The following DLGAP1 variants were observed in gnomAD, a reference collection of about 807,000 sequenced individuals.
DLGAP1 encodes DLG associated protein 1.
A neutral mutation model predicts 90.8 loss-of-function variants in DLGAP1; 11 were observed. That is an observed-to-expected ratio of 0.12 (90% confidence interval 0.08 to 0.20). The LOEUF is 0.20. Among genes scored for constraint, DLGAP1 ranks in the 10% least tolerant of loss-of-function variants. DLGAP1 has a pLI of 1.00. For missense variants in DLGAP1, 1,050 were observed against 1,333.8 expected, an observed-to-expected ratio of 0.79 and a Z score of 3.31; for synonymous variants, 558 against 540.7, an observed-to-expected ratio of 1.03 and a Z score of -0.44.
chr18:4,315,804 AT>A (rs5822807), intron 1 of DLGAP1, among the ~76,000 whole-genome samples: 60,136 of 151,978 alleles, frequency 0.4, 12,194 homozygotes, highest in African/African-American at 0.47. Flanking sequence ...CATCATAGTA[AT>A]TTTTTTGACT....
intron 1 of DLGAP1, among the ~76,000 whole-genome samples, chr18:4,410,807 G>C (rs1306890523): frequency 6.6e-6 from 1 of 152,062 alleles, no homozygotes; most frequent in Admixed American, 6.6e-5. Context: ...CGACAACATC[G>C]ATGGATCTCA....
At chr18:4,384,272 G>T (rs1364463293) in intron 1 of DLGAP1, among the ~76,000 whole-genome samples, 1 of 152,110 alleles carries the variant, frequency 6.6e-6, no homozygotes, top group Non-Finnish European at 1.5e-5. Context: ...GATTTCGAAA[G>T]ATCTCTCTCT....
intron 3 of DLGAP1, among the ~76,000 whole-genome samples, chr18:3,881,624 A>G (rs1488658777): frequency 6.6e-6 from 1 of 152,204 alleles, no homozygotes. Context: ...GAGTTAAAAA[A>G]CAAGATGAGC....
intron 1 of DLGAP1, among the ~76,000 whole-genome samples, chr18:4,431,656 A>C (rs2083287049): frequency 6.6e-6 from 1 of 152,346 alleles, no homozygotes; most frequent in East Asian, 1.9e-4. Flanking sequence ...TTTTCGGAAT[A>C]GAATCATTCT....
intron 7 of DLGAP1, among the ~76,000 whole-genome samples, chr18:3,728,300 T>TTA (rs200480157): frequency 0.13 from 15,917 of 123,246 alleles, 922 homozygotes; most frequent in Admixed American, 0.2. Context: ...AACGCAAATG[T>TTA]TATATATATA....
chr18:4,347,199 C>A (rs1056951257), intron 1 of DLGAP1, among the ~76,000 whole-genome samples: 9 of 151,934 alleles, frequency 5.9e-5, no homozygotes, highest in Non-Finnish European at 1.2e-4. Flanking sequence ...AAATAGAGAA[C>A]ATTATTAAGG....
At chr18:4,368,247 G>A (rs1044455275) in intron 1 of DLGAP1, among the ~76,000 whole-genome samples, 1 of 152,110 alleles carries the variant, frequency 6.6e-6, no homozygotes, top group Non-Finnish European at 1.5e-5. Context: ...TTAGCCAATG[G>A]TATTGAATTT....
At chr18:4,089,856 T>C (rs537527957) in intron 2 of DLGAP1, among the ~76,000 whole-genome samples, 47 of 152,110 alleles carry the variant, frequency 3.1e-4, no homozygotes, top group Non-Finnish European at 4.7e-4. Context: ...CCATCCTGGC[T>C]AACACGGTGA....
Position 3,572,377 on chromosome 18 carries a change from G to T in DLGAP1, c.1966-4796C>A, listed in dbSNP as rs528824635. Among the ~76,000 whole-genome samples, 8 of 151,136 alleles carry T rather than the reference G, an allele frequency of 5.3e-5. No homozygotes were observed. In the East Asian group the frequency reaches 1.6e-3, roughly 29 times the overall value. ...CATCCTTACTTGACTTCTGACTCTGGAATATCTCTAGCATTTCGTCTTTAA... is the reference window on the plus strand; with the variant it reads ...CATCCTTACTTGACTTCTGACTCTGTAATATCTCTAGCATTTCGTCTTTAA... On this transcript the variant is annotated intron_variant, in intron 8 of 12. Transcript: ENST00000315677.
chr18:3,729,461 G>A lies in DLGAP1; in HGVS notation c.1351-86C>T, dbSNP rs1304670318. Reference sequence around the variant, plus strand: ...AAGCATCTGCGAACTTCAATCCCCAGAAGAAAAAGCAGCGTCTGGTTAGAT... The same window carrying A: ...AAGCATCTGCGAACTTCAATCCCCAAAAGAAAAAGCAGCGTCTGGTTAGAT... On this transcript the variant is annotated intron_variant, in intron 6 of 12. Coordinates refer to ENST00000315677, the MANE Select transcript of DLGAP1 (RefSeq NM_004746.4). This position sits in a 1 kb window ranked among gnomAD's most constrained non-coding sequence, Gnocchi z 6.2. The A allele has an allele frequency of 4.6e-6, 7 of 1,521,216 alleles. No homozygotes were observed. The highest frequency in any genetic ancestry group is 2.0e-5 in the Admixed American group (1 of 48,832). The allele number at this position is 1,521,216 out of a possible 1,614,324, so 94.2% of individuals were successfully genotyped here. A position where few individuals can be genotyped will look rare whatever the true frequency, so the allele number is the denominator to read the frequency against.
At chr18:4,178,202 A>ACACAC (rs2077146042) in intron 1 of DLGAP1, among the ~76,000 whole-genome samples, 4 of 118,410 alleles carry the variant, frequency 3.4e-5, no homozygotes, top group African/African-American at 1.3e-4. Context: ...TCCTGGAATA[A>ACACAC]ACACACACAC....
chr18:3,793,258 C>T (rs2065828525), intron 5 of DLGAP1, among the ~76,000 whole-genome samples: 1 of 152,184 alleles, frequency 6.6e-6, no homozygotes, highest in Admixed American at 6.5e-5. Context: ...TCCGTGAATG[C>T]ACCCTGCCAG....
rs572908288 is a variant in DLGAP1, at chr18:3,681,503, C to A, written c.1591+47632G>T. ...TTGAAAACAATGACTAAATGAAATG[C>A]TTGTCTCCTCCAAGAATGGAATATA... On this transcript the variant is annotated intron_variant, in intron 7 of 12. Transcript: ENST00000315677. 3.3e-5 allele frequency among the ~76,000 whole-genome samples: 5 copies of A among 152,294 alleles called. No homozygotes were observed. In the South Asian group the frequency reaches 1.0e-3, roughly 32 times the overall value.
intron 5 of DLGAP1, among the ~76,000 whole-genome samples, chr18:3,794,182 T>A (rs902778846): frequency 6.6e-6 from 1 of 152,230 alleles, no homozygotes; most frequent in African/African-American, 2.4e-5. Context: ...AGTTGTCTCT[T>A]AGTTCCACCT....
At chr18:3,795,710 C>A (rs1236625379) in intron 5 of DLGAP1, among the ~76,000 whole-genome samples, 1 of 152,074 alleles carries the variant, frequency 6.6e-6, no homozygotes, top group Non-Finnish European at 1.5e-5. Context: ...CTCCCAACTC[C>A]TGGGCCCATG....
chr18:3,956,546 C>T (rs755805431), intron 3 of DLGAP1, among the ~76,000 whole-genome samples: 3 of 152,090 alleles, frequency 2.0e-5, no homozygotes, highest in African/African-American at 4.8e-5. Flanking sequence ...GATGGGTTTT[C>T]GCCGTGTTAG....
chr18:3,713,321 A>G (rs575420072), intron 7 of DLGAP1, among the ~76,000 whole-genome samples: 1 of 152,328 alleles, frequency 6.6e-6, no homozygotes, highest in South Asian at 2.1e-4. Context: ...CCCACAACTG[A>G]GGAGATTAGG....
Position 4,349,193 on chromosome 18 carries a change from GT to G in DLGAP1, c.-267+105812del, listed in dbSNP as rs546220417. Reference sequence around the variant, plus strand: ...ACTCCTCATATGACACACTGAGAAAGTCACAGTGTAGCCTCTGCAGTATTCG... The same window carrying G: ...ACTCCTCATATGACACACTGAGAAAGCACAGTGTAGCCTCTGCAGTATTCG... On this transcript the variant is annotated intron_variant, in intron 1 of 12. Coordinates refer to ENST00000315677, the MANE Select transcript of DLGAP1 (RefSeq NM_004746.4). 2.0e-5 allele frequency among the ~76,000 whole-genome samples: 3 copies of G among 152,242 alleles called. No individual in the cohort carries two copies. In the South Asian group the frequency reaches 6.2e-4, roughly 32 times the overall value.
intron 3 of DLGAP1, among the ~76,000 whole-genome samples, chr18:3,932,610 A>G (rs1001387290): frequency 6.6e-6 from 1 of 152,160 alleles, no homozygotes; most frequent in African/African-American, 2.4e-5. Flanking sequence ...AAGGGCAGCA[A>G]GGACAGGGCT....
Sources: gnomAD v4.1 joint callset for allele counts (sites outside exome capture counted in the v4.1 genomes callset) on GRCh38, gnomAD v4.1.1 for gene constraint, Gnocchi (gnomAD v3.1) non-coding constraint, MANE v1.5 for transcripts, NCBI Gene and HGNC (gene_info 2026-07-23, HGNC 2026-07-21) for gene names.